ITGA8: variants seen among roughly 807,000 people sequenced by gnomAD.
ITGA8 encodes the protein integrin subunit alpha 8.
A neutral mutation model predicts 142.3 loss-of-function variants in ITGA8; 91 were observed. The ratio of observed to expected loss-of-function variants is 0.64; its 90% CI spans 0.54 to 0.76. The LOEUF (loss-of-function observed/expected upper bound fraction) is 0.76. Among genes scored for constraint, ITGA8 ranks in the 30% least tolerant of loss-of-function variants. The probability of loss-of-function intolerance (pLI) is 0.00; values close to 1 mark genes in which losing one functional copy is unlikely to be tolerated. For missense variants in ITGA8, 1,406 were observed against 1,327.7 expected, an observed-to-expected ratio of 1.06 and a Z score of -0.92; for synonymous variants, 505 against 485.2, an observed-to-expected ratio of 1.04 and a Z score of -0.54.
In ITGA8 at chr10:15,689,805, G is replaced by T. The variant is rs150607021; in HGVS notation, c.344-1767C>A. 2.5e-3 allele frequency among the ~76,000 whole-genome samples: 381 copies of T among 152,260 alleles called. 2 individuals are homozygous for T. Among genetic ancestry groups the T allele is most frequent in the African/African-American group, 8.7e-3 (363 of 41,550 alleles). ...CAGCCAACCTGCTGCAGCTCCCTACGCTCTGGGCCCTTCATCTGCCCATCC... is the reference window on the plus strand; with the variant it reads ...CAGCCAACCTGCTGCAGCTCCCTACTCTCTGGGCCCTTCATCTGCCCATCC... On this transcript the variant is annotated intron_variant, in intron 2 of 29. Coordinates refer to ENST00000378076, the MANE Select transcript of ITGA8 (RefSeq NM_003638.3).
intron 25 of ITGA8, among the ~76,000 whole-genome samples, chr10:15,571,233 A>G (rs1834176464): frequency 6.6e-6 from 1 of 152,216 alleles, no homozygotes; most frequent in African/African-American, 2.4e-5. Context: ...AATGCCTTTC[A>G]GAATGAGCAA....
At chr10:15,627,551 A>G (rs572331311) in intron 13 of ITGA8, among the ~76,000 whole-genome samples, 1 of 152,342 alleles carries the variant, frequency 6.6e-6, no homozygotes, top group South Asian at 2.1e-4. Context: ...CATCACATGA[A>G]CAATGCTTGC....
chr10:15,656,070 G>C (rs769992609), intron 10 of ITGA8, among the ~76,000 whole-genome samples: 12 of 152,144 alleles, frequency 7.9e-5, no homozygotes, highest in Non-Finnish European at 8.8e-5. Context: ...GGGTGACAGA[G>C]AGAGACCCTG....
At chr10:15,540,525 G>A (rs1283223087) in intron 27 of ITGA8, among the ~76,000 whole-genome samples, 3 of 152,168 alleles carry the variant, frequency 2.0e-5, no homozygotes, top group African/African-American at 4.8e-5. Flanking sequence ...TGAGATGCTC[G>A]CCTCTGCCCA....
At chr10:15,656,486 C>G (rs945153275) in intron 10 of ITGA8, among the ~76,000 whole-genome samples, 1 of 151,996 alleles carries the variant, frequency 6.6e-6, no homozygotes, top group South Asian at 2.1e-4. Context: ...GCCTCAGCCT[C>G]CTGAGTAACT....
intron 2 of ITGA8, among the ~76,000 whole-genome samples, chr10:15,710,734 G>T (rs552633826): frequency 9.2e-5 from 14 of 152,304 alleles, no homozygotes; most frequent in Admixed American, 5.2e-4. Flanking sequence ...GAAATCATAG[G>T]CTCTGACAAC....
At chr10:15,521,607 T>C (rs1833072017) in intron 28 of ITGA8, among the ~76,000 whole-genome samples, 2 of 152,184 alleles carry the variant, frequency 1.3e-5, no homozygotes, top group South Asian at 4.1e-4. Context: ...CTAGTCATCA[T>C]TACATTTTCT....
intron 14 of ITGA8, 86 bp downstream of exon 14, chr10:15,616,428 G>A (rs541246402): frequency 9.0e-6 from 9 of 998,152 alleles, no homozygotes; most frequent in East Asian, 2.4e-5. Flanking sequence ...AGAATAAATC[G>A]TTGGAATGCT....
At chr10:15,632,370 A>G (rs1833699192) in intron 13 of ITGA8, among the ~76,000 whole-genome samples, 1 of 152,216 alleles carries the variant, frequency 6.6e-6, no homozygotes, top group South Asian at 2.1e-4. Flanking sequence ...CTACATTTTC[A>G]TATCTTAATC....
At chr10:15,674,465 T>C (rs1435674047) in intron 6 of ITGA8, among the ~76,000 whole-genome samples, 1 of 152,220 alleles carries the variant, frequency 6.6e-6, no homozygotes, top group Non-Finnish European at 1.5e-5. Context: ...ATTAACCAAG[T>C]GAATTAGAAG....
chr10:15,570,406 G>A (rs901720223), intron 25 of ITGA8, among the ~76,000 whole-genome samples: 4 of 152,008 alleles, frequency 2.6e-5, no homozygotes, highest in East Asian at 1.9e-4. Context: ...TCAGGAGTTC[G>A]AGACCAGCCT....
intron 6 of ITGA8, among the ~76,000 whole-genome samples, chr10:15,675,250 A>G (rs1834605363): frequency 1.3e-5 from 2 of 152,188 alleles, no homozygotes; most frequent in South Asian, 4.1e-4. Context: ...TTTCATACAC[A>G]ACAGAACAAG....
At chr10:15,595,532 A>G (rs1832997662) in intron 21 of ITGA8, among the ~76,000 whole-genome samples, 1 of 152,230 alleles carries the variant, frequency 6.6e-6, no homozygotes, top group African/African-American at 2.4e-5. Context: ...GGCAAAATGA[A>G]TTGACATACT....
At chr10:15,670,410 AAGG>A (rs1834489780) in intron 8 of ITGA8, among the ~76,000 whole-genome samples, 1 of 152,220 alleles carries the variant, frequency 6.6e-6, no homozygotes, top group East Asian at 1.9e-4. Flanking sequence ...GTCATAGCCT[AAGG>A]AATAGAGAGT....
chr10:15,544,662 G>C (rs1431206851), intron 27 of ITGA8, among the ~76,000 whole-genome samples: 1 of 152,182 alleles, frequency 6.6e-6, no homozygotes, highest in African/African-American at 2.4e-5. Flanking sequence ...ATCTGTGGTA[G>C]CAACCCTCCA....
intron 29 of ITGA8, 64 bp from the exon 30 acceptor site, chr10:15,517,308 A>G (rs1832982350): frequency 2.7e-6 from 3 of 1,111,388 alleles, no homozygotes; most frequent in Non-Finnish European, 4.0e-6. Context: ...CCCCTCATTC[A>G]AAGAATTTTC....
chr10:15,660,966 CACAA>C lies in ITGA8; in HGVS notation c.848-48_848-45del, dbSNP rs1834274815. The C allele has an allele frequency of 5.6e-6, 8 of 1,430,468 alleles. No individual in the cohort carries two copies. The East Asian group carries it at 1.8e-4, about 33-fold the overall frequency. 88.6% of individuals were successfully genotyped at this position (1,430,468 alleles called of 1,614,324 possible). ...ATTTAGAAGGGGAATTACTCACACA[CACAA>C]ACACACACACACACGCCATATACTA... On this transcript the variant is annotated intron_variant, in intron 8 of 29. Coordinates refer to ENST00000378076, the MANE Select transcript of ITGA8 (RefSeq NM_003638.3).
rs116590988 is a variant in ITGA8, at chr10:15,559,631, C to G, written c.2638-1429G>C. Among the ~76,000 whole-genome samples the G allele has an allele frequency of 6.6e-3, 1,005 of 152,152 alleles. 10 individuals carry two copies. The highest frequency in any genetic ancestry group is 0.023 in the African/African-American group (941 of 41,510). On this transcript the variant is annotated intron_variant, in intron 25 of 29. Transcript: ENST00000378076. The stretch of plus-strand genomic sequence containing the variant: ...CAGAGAAGTAAGGAAGGGTGAAGAC[C>G]TTTATGCACTGAACTTGGCAATTTT...
At chr10:15,593,325 GTTAC>G (rs1401915539) in intron 21 of ITGA8, among the ~76,000 whole-genome samples, 1 of 152,136 alleles carries the variant, frequency 6.6e-6, no homozygotes, top group Non-Finnish European at 1.5e-5. Context: ...GTAATATTAT[GTTAC>G]TTACTCTTCC....
Sources: allele counts gnomAD v4.1 joint callset (sites outside exome capture counted in the v4.1 genomes callset), GRCh38; gene constraint gnomAD v4.1.1; transcripts MANE v1.5; gene names NCBI Gene and HGNC (gene_info 2026-07-23, HGNC 2026-07-21).